The following PHKA1 variants were observed in gnomAD, a reference collection of about 807,000 sequenced individuals.
PHKA1 encodes phosphorylase kinase regulatory subunit alpha 1, also known as phosphorylase b kinase regulatory subunit alpha, skeletal muscle isoform.
PHKA1 carries 60 observed loss-of-function variants against 110.2 expected under a neutral mutation model. That is an observed-to-expected ratio of 0.54 (90% confidence interval 0.44 to 0.68). The LOEUF (loss-of-function observed/expected upper bound fraction) is 0.68, where lower values mean the gene tolerates loss of function less well. PHKA1 is among the 30% of genes least tolerant of loss of function. The pLI is 0.00. For missense variants in PHKA1, 801 were observed against 942.5 expected (o/e 0.85, Z 1.97); for synonymous variants, 316 against 333.6 (o/e 0.95, Z 0.58).
intron 25 of PHKA1, among the ~76,000 whole-genome samples, chrX:72,603,539 G>A (rs185750253): frequency 9.0e-6 from 1 of 111,434 alleles, no homozygotes; most frequent in Admixed American, 9.6e-5. Context: ...TGGAACTGGA[G>A]GCCATTCAGA....
At chrX:72,675,614 A>G (rs1347299411) in intron 6 of PHKA1, among the ~76,000 whole-genome samples, 2 of 111,042 alleles carry the variant, frequency 1.8e-5, no homozygotes, top group African/African-American at 6.5e-5. Context: ...GGGTAGGATG[A>G]AAAAGTAGAG....
rs1039171580 is a variant in PHKA1 at position 72,696,579 on chromosome X, G to A, written c.286-703C>T. Among the ~76,000 whole-genome samples the A allele has an allele frequency of 6.3e-5, 7 of 111,465 alleles. 1 individual carries two copies. The East Asian group carries it at 8.5e-4, about 14-fold the overall frequency. ...ACCTGGAAGCCCCCAGTTGTGGGGC[G>A]TTGCTTTGAGTTGTCTCAGCTTTTC... On this transcript the variant is annotated intron_variant, in intron 3 of 31. Transcript: ENST00000373542.
chrX:72,662,943 C>A (rs781915281), intron 8 of PHKA1, among the ~76,000 whole-genome samples: 2 of 110,480 alleles, frequency 1.8e-5, no homozygotes, highest in Non-Finnish European at 3.8e-5. Flanking sequence ...GAAGAGGTAC[C>A]TGCTCCACCA....
chrX:72,670,799 G>A (rs1216922303), intron 6 of PHKA1, among the ~76,000 whole-genome samples: 5 of 111,761 alleles, frequency 4.5e-5, no homozygotes, highest in African/African-American at 1.6e-4. Flanking sequence ...ATCAATAAAC[G>A]CAATCCAGCA....
chrX:72,639,497 C>T (rs1003054009), intron 14 of PHKA1, among the ~76,000 whole-genome samples: 2 of 111,442 alleles, frequency 1.8e-5, no homozygotes, highest in African/African-American at 6.5e-5. Context: ...GATCGCGCCA[C>T]TGCACTCCAG....
intron 15 of PHKA1, among the ~76,000 whole-genome samples, chrX:72,635,712 A>C (rs1349977250): frequency 8.9e-6 from 1 of 111,901 alleles, no homozygotes; most frequent in Non-Finnish European, 1.9e-5. Flanking sequence ...TTCAAATGTA[A>C]GATGACAAAT....
At chrX:72,658,940 C>T (rs1210612838) in intron 8 of PHKA1, among the ~76,000 whole-genome samples, 1 of 111,886 alleles carries the variant, frequency 8.9e-6, no homozygotes, top group African/African-American at 3.3e-5. Flanking sequence ...TGAGACTATT[C>T]GAACACCTTC....
At position 72,714,112 on chromosome X, in the gene PHKA1, C is replaced by T; in HGVS notation, c.-232G>A. ...CGCCAGCGCTAGCACTGGCTTCCCG[C>T]GGTCTAGAGCCCCGCCGCAGCGCCC... On this transcript the variant is annotated 5_prime_UTR_variant, in exon 1 of 32. Transcript: ENST00000373542. 1 of 418,555 alleles carries T rather than the reference C, an allele frequency of 2.4e-6. No individual in the cohort carries two copies. The highest frequency in any genetic ancestry group is 3.3e-5 in the South Asian group (1 of 29,860). The allele number at this position is 418,555 out of a possible 1,213,427, so 34.5% of individuals were successfully genotyped here. A position where few individuals can be genotyped will look rare whatever the true frequency, so the allele number is the denominator to read the frequency against.
Position 72,593,192 on chromosome X carries a change from C to T in PHKA1, c.3155G>A (p.Gly1052Asp), listed in dbSNP as rs782183196. The change falls in exon 29 of 32, where the codon GGT becomes GAT. Residue 1052 changes from glycine (G) to aspartate (D), a missense_variant. Transcript: ENST00000373542. The stretch of plus-strand genomic sequence containing the variant: ...CAGCCTTCTTCGGCGTTGCCATTGA[C>T]CTTGACGACTATCTTTAGATGACTG... Reference protein sequence around the residue: ...DQQSSKDSRQGQWQRRRRLDG... With the variant: ...DQQSSKDSRQDQWQRRRRLDG... 9 of 1,193,136 alleles carry T rather than the reference C, an allele frequency of 7.5e-6. No homozygotes were observed. The Admixed American group carries it at 1.1e-4, about 14-fold the overall frequency.
intron 4 of PHKA1, among the ~76,000 whole-genome samples, chrX:72,692,494 T>C (rs1172126097): frequency 1.8e-5 from 2 of 112,106 alleles, no homozygotes; most frequent in Non-Finnish European, 3.8e-5. Context: ...AAAGATTTTA[T>C]ATTACTAATT....
intron 17 of PHKA1, 144 bp downstream of exon 17, chrX:72,626,827 G>A (rs1278302049): frequency 2.3e-5 from 12 of 522,602 alleles, no homozygotes; most frequent in Non-Finnish European, 3.7e-5. Flanking sequence ...ACTACAGGTT[G>A]ACCACGGGTA....
chrX:72,694,341 T>C (rs1296022526), intron 4 of PHKA1, among the ~76,000 whole-genome samples: 1 of 112,274 alleles, frequency 8.9e-6, no homozygotes, highest in Non-Finnish European at 1.9e-5. Context: ...AAGTGAATCA[T>C]CTGAAACTTC....
rs781795693 is a variant in PHKA1, at chrX:72,686,429, A to G, written c.455-1849T>C. Among the ~76,000 whole-genome samples, 7 of 112,254 alleles carry G rather than the reference A, an allele frequency of 6.2e-5. No homozygotes were observed. The South Asian group carries it at 2.6e-3, about 42-fold the overall frequency. ...ATTATACTGCATTTTGCTTTTTCAT[A>G]TATAAGTAACTTGGAGATAATTTCA... On this transcript the variant is annotated intron_variant, in intron 4 of 31. Transcript: ENST00000373542.
intron 28 of PHKA1, among the ~76,000 whole-genome samples, chrX:72,600,631 A>G (rs1020241754): frequency 9.9e-5 from 11 of 111,667 alleles, no homozygotes; most frequent in African/African-American, 3.2e-4. Context: ...TGATGAGTGT[A>G]CTCAAGTTAC....
At chrX:72,638,321 C>A (rs1347636953) in intron 14 of PHKA1, among the ~76,000 whole-genome samples, 1 of 101,760 alleles carries the variant, frequency 9.8e-6, no homozygotes, top group Non-Finnish European at 2.0e-5. Flanking sequence ...GGGAGGATCC[C>A]TTGAGCGCAA....
At chrX:72,597,766 T>C (rs1338573828) in intron 28 of PHKA1, among the ~76,000 whole-genome samples, 1 of 111,886 alleles carries the variant, frequency 8.9e-6, no homozygotes, top group Non-Finnish European at 1.9e-5. Flanking sequence ...CCTTTAGGTG[T>C]AATAAACCGT....
At chrX:72,635,399 A>G in intron 15 of PHKA1, 100 bp from the exon 16 acceptor site, 2 of 785,128 alleles carry the variant, frequency 2.5e-6, no homozygotes, top group Non-Finnish European at 3.8e-6. Flanking sequence ...CCAAGATGTC[A>G]CAGGGCAATG....
At chrX:72,654,964 A>AT (rs1298075903) in intron 10 of PHKA1, among the ~76,000 whole-genome samples, 1 of 108,458 alleles carries the variant, frequency 9.2e-6, no homozygotes, top group East Asian at 3.0e-4. Context: ...CGCCCGGCTA[A>AT]TTTTTTGTAT....
intron 3 of PHKA1, among the ~76,000 whole-genome samples, chrX:72,701,831 G>A (rs2054209085): frequency 8.9e-6 from 1 of 111,884 alleles, no homozygotes; most frequent in Admixed American, 9.4e-5. Context: ...AAATAATTAG[G>A]CCAAGTATAA....
Sources: gnomAD v4.1 joint callset for allele counts (sites outside exome capture counted in the v4.1 genomes callset) on GRCh38, gnomAD v4.1.1 for gene constraint, MANE v1.5 for transcripts, NCBI Gene and HGNC (gene_info 2026-07-23, HGNC 2026-07-21) for gene names.